CD38: variants seen among roughly 807,000 people sequenced by gnomAD.
CD38 encodes the protein CD38 molecule, also known as ADP-ribosyl cyclase/cyclic ADP-ribose hydrolase 1.
Under a neutral mutation model 36.3 loss-of-function variants are expected in CD38, and 31 were observed. The ratio of observed to expected loss-of-function variants is 0.85; its 90% CI spans 0.64 to 1.15. The LOEUF (loss-of-function observed/expected upper bound fraction) is 1.15. CD38 is among the 50% of genes most tolerant of loss of function. The pLI, the probability that CD38 is intolerant of heterozygous loss-of-function variation, is 0.00. For synonymous variants in CD38, 131 were observed against 135.2 expected (o/e 0.97, Z 0.22); for missense variants, 380 against 371.9 (o/e 1.02, Z -0.18).
intron 1 of CD38, among the ~76,000 whole-genome samples, chr4:15,793,454 A>T (rs1723046042): frequency 6.6e-6 from 1 of 152,176 alleles, no homozygotes; most frequent in Middle Eastern, 3.4e-3. Context: ...TACTTCCCAT[A>T]TATATGTTGT....
chr4:15,853,132 A>G lies in CD38; in HGVS notation c.*4530A>G, dbSNP rs893777098. The G allele has an allele frequency of 7.2e-5, 11 of 152,222 alleles. No homozygotes were observed. Among genetic ancestry groups the G allele is most frequent in the African/African-American group, 2.7e-4 (11 of 41,448 alleles). The allele number at this position is 152,222 out of a possible 1,614,324, so 9.4% of individuals were successfully genotyped here. A position where few individuals can be genotyped will look rare whatever the true frequency, so the allele number is the denominator to read the frequency against. On this transcript the variant is annotated 3_prime_UTR_variant, in exon 8 of 8. Coordinates refer to ENST00000226279, the MANE Select transcript of CD38 (RefSeq NM_001775.4). Reference sequence around the variant, plus strand: ...AAACTATGGAATTCGGAGGCAGGTGATGCATTGGGCGAGTTTATTAACATC... The same window carrying G: ...AAACTATGGAATTCGGAGGCAGGTGGTGCATTGGGCGAGTTTATTAACATC...
chr4:15,824,790 CTGTTT>C, intron 2 of CD38, 86 bp from the exon 3 acceptor site: 2 of 990,604 alleles, frequency 2.0e-6, no homozygotes, highest in Non-Finnish European at 3.1e-6. Context: ...TTGATATGCT[CTGTTT>C]TTTTTTTCAT....
rs765915493 is a variant in CD38 at position 15,778,472 on chromosome 4, AG to A, written c.60del (p.Arg21GlufsTer13). 6.2e-7 allele frequency: 1 copy of A among 1,613,692 alleles called. No individual in the cohort carries two copies. Among genetic ancestry groups the A allele is most frequent in the Non-Finnish European group, 8.5e-7 (1 of 1,179,890 alleles). On this transcript the variant is annotated frameshift_variant, in exon 1 of 8. Coordinates refer to ENST00000226279, the MANE Select transcript of CD38 (RefSeq NM_001775.4). LOFTEE classifies it high-confidence loss of function. This position sits in a 1 kb window ranked among gnomAD's most constrained non-coding sequence, Gnocchi z 4.9. ...GGACAAACCCTGCTGCCGGCTCTCTAGGAGAGCCCAACTCTGTCTTGGCGTC... is the reference window on the plus strand; with the variant it reads ...GGACAAACCCTGCTGCCGGCTCTCTAGAGAGCCCAACTCTGTCTTGGCGTC... Reference protein sequence around the residue: ...SGDKPCCRLSRRAQLCLGVSI... With the variant: ...SGDKPCCRLSXRAQLCLGVSI...
At chr4:15,807,430 ATGGTGATAGGCCACGTACACAG>A (rs1266722189) in intron 1 of CD38, among the ~76,000 whole-genome samples, 6 of 152,188 alleles carry the variant, frequency 3.9e-5, no homozygotes, top group Non-Finnish European at 4.4e-5. Flanking sequence ...ATGGTCTATC[ATGGTGATAGGCCACGTACACAG>A]TGGCCTTGTC....
chr4:15,801,131 C>T (rs759149977), intron 1 of CD38, among the ~76,000 whole-genome samples: 9 of 151,628 alleles, frequency 5.9e-5, no homozygotes, highest in Admixed American at 2.0e-4. Flanking sequence ...TATAAAGGAT[C>T]GTAAGAGACT....
At chr4:15,818,562 GACCACCCA>G (rs1285716779) in intron 2 of CD38, among the ~76,000 whole-genome samples, 2 of 152,180 alleles carry the variant, frequency 1.3e-5, no homozygotes, top group African/African-American at 4.8e-5. Context: ...GACTGAGAGA[GACCACCCA>G]ACAGGGGTCG....
intron 3 of CD38, chr4:15,825,321 C>G (rs543001624): frequency 1.3e-4 from 43 of 323,112 alleles, no homozygotes; most frequent in Non-Finnish European, 2.4e-4. Context: ...GGGGAGCTGG[C>G]ATTTACAGAG....
intron 1 of CD38, among the ~76,000 whole-genome samples, chr4:15,786,764 C>A (rs553360105): frequency 3.3e-5 from 5 of 152,204 alleles, no homozygotes; most frequent in Non-Finnish European, 7.3e-5. Flanking sequence ...GTGGATGGGA[C>A]GCCAGGGAGC....
In CD38 at chr4:15,778,706, C is replaced by T. The variant is rs1278559144; in HGVS notation, c.233+59C>T. 8 of 1,240,136 alleles carry T rather than the reference C, an allele frequency of 6.5e-6. No individual in the cohort carries two copies. Among genetic ancestry groups the T allele is most frequent in the Non-Finnish European group, 7.0e-6 (6 of 862,930 alleles). 76.8% of individuals were successfully genotyped at this position (1,240,136 alleles called of 1,614,324 possible). A position where few individuals can be genotyped will look rare whatever the true frequency, so the allele number is the denominator to read the frequency against. On this transcript the variant is annotated intron_variant, in intron 1 of 7. Coordinates refer to ENST00000226279, the MANE Select transcript of CD38 (RefSeq NM_001775.4). This position sits in a 1 kb window ranked among gnomAD's most constrained non-coding sequence, Gnocchi z 4.9. ...TGCGGGGACAGCAGGGCCCCGCGCG[C>T]AGGGAAGCCGCCCGGATCGCCCGGA...
intron 1 of CD38, among the ~76,000 whole-genome samples, chr4:15,811,591 A>G (rs1475678439): frequency 6.6e-6 from 1 of 152,126 alleles, no homozygotes; most frequent in Non-Finnish European, 1.5e-5. Flanking sequence ...GGTAACTGTA[A>G]GACTTTATTT....
chr4:15,790,953 T>G (rs529914139), intron 1 of CD38, among the ~76,000 whole-genome samples: 1 of 143,454 alleles, frequency 7.0e-6, no homozygotes, highest in East Asian at 2.2e-4. Context: ...CCGCCCCGTC[T>G]GAGAAGTGAG....
intron 5 of CD38, 149 bp downstream of exon 5, chr4:15,838,314 G>C: frequency 1.5e-6 from 1 of 657,302 alleles, no homozygotes; most frequent in South Asian, 1.9e-5. Flanking sequence ...ATTCCGTGGA[G>C]AGAGTTGTCT....
chr4:15,837,482 C>T (rs1373847026), intron 4 of CD38, among the ~76,000 whole-genome samples: 2 of 152,124 alleles, frequency 1.3e-5, no homozygotes, highest in African/African-American at 4.8e-5. Flanking sequence ...TTGGGGAGGC[C>T]TCCTGGAGGG....
intron 5 of CD38, among the ~76,000 whole-genome samples, chr4:15,838,505 A>G (rs1171803960): frequency 6.6e-6 from 1 of 151,974 alleles, no homozygotes; most frequent in Non-Finnish European, 1.5e-5. Flanking sequence ...CCGTTCCCCC[A>G]TATGACCTGC....
In CD38 at chr4:15,850,998, T is replaced by C. The variant is rs1724370729; in HGVS notation, c.*2396T>C. 6.6e-6 allele frequency: 1 copy of C among 152,204 alleles called. No individual in the cohort carries two copies. The highest frequency in any genetic ancestry group is 1.5e-5 in the Non-Finnish European group (1 of 68,060). 9.4% of individuals were successfully genotyped at this position (152,204 alleles called of 1,614,324 possible). On this transcript the variant is annotated 3_prime_UTR_variant, in exon 8 of 8. Transcript: ENST00000226279. ...CCCTTCCAAACAAGAAATCAAAATA[T>C]TAGAAATCAATTTTTGAAATTTCCC...
Position 15,778,400 on chromosome 4 carries a change from C to T in CD38, c.-15C>T, listed in dbSNP as rs772814872. On this transcript the variant is annotated 5_prime_UTR_variant, in exon 1 of 8. Transcript: ENST00000226279. This position sits in a 1 kb window ranked among gnomAD's most constrained non-coding sequence, Gnocchi z 4.9. ...CCGGCCTCATCTTCGCCCAGCCAAC[C>T]CCGCCTGGAGCCCTATGGCCAACTG... 12 of 1,599,766 alleles carry T rather than the reference C, an allele frequency of 7.5e-6. No homozygotes were observed. Among genetic ancestry groups the T allele is most frequent in the Admixed American group, 1.7e-5 (1 of 59,886 alleles).
chr4:15,818,567 C>T (rs1205245089), intron 2 of CD38, among the ~76,000 whole-genome samples: 1 of 152,172 alleles, frequency 6.6e-6, no homozygotes, highest in Non-Finnish European at 1.5e-5. Flanking sequence ...AGAGAGACCA[C>T]CCAACAGGGG....
rs56373639 is a variant in CD38 at position 15,802,491 on chromosome 4, G to GTTTTATTTTATTTTATTTTA, written c.234-13976_234-13957dup. ...CCCCAAATAGCCAAAGCAATTGTTTGTTTTATTTTATTTTATTTTATTTTA... is the reference window on the plus strand; with the variant it reads ...CCCCAAATAGCCAAAGCAATTGTTTGTTTTATTTTATTTTATTTTATTTTATTTTATTTTATTTTATTTTA... On this transcript the variant is annotated intron_variant, in intron 1 of 7. Transcript: ENST00000226279. 7.8e-3 allele frequency among the ~76,000 whole-genome samples: 1,046 copies of GTTTTATTTTATTTTATTTTA among 134,164 alleles called. 19 individuals carry two copies. Among genetic ancestry groups the GTTTTATTTTATTTTATTTTA allele is most frequent in the Non-Finnish European group, 0.011 (707 of 61,726 alleles). The allele number at this position is 134,164 out of a possible 152,430, so 88.0% of individuals were successfully genotyped here. A position where few individuals can be genotyped will look rare whatever the true frequency, so the allele number is the denominator to read the frequency against.
intron 3 of CD38, among the ~76,000 whole-genome samples, chr4:15,826,463 A>G (rs5013423): frequency 0.086 from 6,180 of 71,890 alleles, 147 homozygotes; most frequent in Middle Eastern, 0.18. Context: ...TTGTGCGCAC[A>G]CACACACACA....
Sources: gnomAD v4.1 joint callset for allele counts (sites outside exome capture counted in the v4.1 genomes callset) on GRCh38, gnomAD v4.1.1 for gene constraint, Gnocchi (gnomAD v3.1) non-coding constraint, MANE v1.5 for transcripts, NCBI Gene and HGNC (gene_info 2026-07-23, HGNC 2026-07-21) for gene names.